Variants in RFX7 observed in about 807,000 individuals in gnomAD.
RFX7 encodes DNA-binding protein RFX7.
In RFX7, 26 loss-of-function variants were observed where a neutral mutation model predicts 111.8. The observed-to-expected ratio is 0.23, with a 90% CI of 0.17 to 0.32. The LOEUF (loss-of-function observed/expected upper bound fraction) is 0.32. Ranked by LOEUF, RFX7 falls within the 10% of genes least tolerant of loss-of-function variation. RFX7 has a pLI of 1.00. For synonymous variants in RFX7, 624 were observed against 624.4 expected (o/e 1.00, Z 0.01); for missense variants, 1,573 against 1,772.9 (o/e 0.89, Z 2.02).
At chr15:56,215,398 T>C (rs2043353708) in intron 2 of RFX7, among the ~76,000 whole-genome samples, 1 of 152,246 alleles carries the variant, frequency 6.6e-6, no homozygotes, top group Admixed American at 6.5e-5. Flanking sequence ...CTAAGTGTTT[T>C]ATCATAAAAC....
At chr15:56,177,761 C>A (rs1403865304) in intron 3 of RFX7, among the ~76,000 whole-genome samples, 10 of 152,066 alleles carry the variant, frequency 6.6e-5, no homozygotes, top group African/African-American at 2.4e-4. Context: ...CCACTGTACT[C>A]TCGTACCAAG....
intron 8 of RFX7, among the ~76,000 whole-genome samples, chr15:56,100,400 A>G (rs1454271032): frequency 6.6e-6 from 1 of 152,172 alleles, no homozygotes; most frequent in Non-Finnish European, 1.5e-5. Context: ...TCTTCAATTG[A>G]CCACAAAAGG....
intron 5 of RFX7, among the ~76,000 whole-genome samples, chr15:56,120,780 G>C (rs1223652722): frequency 3.3e-5 from 5 of 152,006 alleles, no homozygotes; most frequent in Non-Finnish European, 7.4e-5. Context: ...TTAGATTTGA[G>C]GTTACCATGA....
At chr15:56,162,607 T>C (rs2042733852) in intron 3 of RFX7, among the ~76,000 whole-genome samples, 1 of 151,480 alleles carries the variant, frequency 6.6e-6, no homozygotes, top group Non-Finnish European at 1.5e-5. Context: ...TGGGGCTCAG[T>C]GGCAATTTAG....
intron 2 of RFX7, among the ~76,000 whole-genome samples, chr15:56,239,984 CTTTTTT>C (rs5812831): frequency 1.0e-3 from 125 of 120,922 alleles, no homozygotes; most frequent in East Asian, 5.8e-3. Context: ...TTTGGTATTT[CTTTTTT>C]TTTTTTTTTT....
intron 2 of RFX7, among the ~76,000 whole-genome samples, chr15:56,240,226 G>C (rs1305429031): frequency 6.6e-6 from 1 of 151,876 alleles, no homozygotes; most frequent in African/African-American, 2.4e-5. Flanking sequence ...CCTTTCTAGT[G>C]AATAGTGTCA....
At chr15:56,195,292 G>C (rs894778540) in intron 2 of RFX7, among the ~76,000 whole-genome samples, 28 of 152,022 alleles carry the variant, frequency 1.8e-4, no homozygotes, top group African/African-American at 6.8e-4. Context: ...ATTCCTTTTG[G>C]ATGATGAAAA....
rs1179011252 is a variant in RFX7 at position 56,094,772 on chromosome 15, G to C, written c.2956C>G (p.Gln986Glu). 6.2e-7 allele frequency: 1 copy of C among 1,610,782 alleles called. No individual in the cohort carries two copies. The highest frequency in any genetic ancestry group is 1.3e-5 in the African/African-American group (1 of 74,812). Residue 986 changes from glutamine (Q) to glutamate (E), a missense_variant, in exon 10 of 10, where the codon CAG becomes GAG. By Grantham distance (29) the Gln-to-Glu change is conservative (BLOSUM62 2). Around this residue, in one of 7 missense-constraint regions of RFX7, gnomAD observed 625 missense variants for 632.2 expected, o/e 0.99. Transcript: ENST00000559447. ...AAAGCACTATCCACAGGTGTAGTCT[G>C]GGCTAGCCTGGAGCAAGGGCTCTCC... ...SRESPCSRLA[Q>E]TTPVDSALGS...
chr15:56,164,552 C>T (rs575862481), intron 3 of RFX7, among the ~76,000 whole-genome samples: 15 of 152,176 alleles, frequency 9.9e-5, no homozygotes, highest in Non-Finnish European at 1.8e-4. Context: ...AGATAGGATC[C>T]TGGTGAGAAC....
intron 3 of RFX7, among the ~76,000 whole-genome samples, chr15:56,161,161 T>A (rs1009101941): frequency 1.3e-5 from 2 of 152,112 alleles, no homozygotes; most frequent in Non-Finnish European, 2.9e-5. Context: ...GATGCAATGC[T>A]GACAAGCAAA....
chr15:56,126,839 C>CT (rs1350159154), intron 5 of RFX7, among the ~76,000 whole-genome samples: 1 of 151,984 alleles, frequency 6.6e-6, no homozygotes, highest in Non-Finnish European at 1.5e-5. Context: ...ACAATCGTAA[C>CT]TTTTTATGCA....
chr15:56,165,048 G>A (rs908945676), intron 3 of RFX7, among the ~76,000 whole-genome samples: 1 of 152,118 alleles, frequency 6.6e-6, no homozygotes, highest in East Asian at 1.9e-4. Flanking sequence ...AGACCATTAG[G>A]CATTAGTTAG....
At position 56,093,274 on chromosome 15, in the gene RFX7, G is replaced by A; in HGVS notation, c.*71C>T. 1 of 1,277,102 alleles carries A rather than the reference G, an allele frequency of 7.8e-7. No individual in the cohort carries two copies. Among genetic ancestry groups the A allele is most frequent in the Non-Finnish European group, 1.1e-6 (1 of 941,536 alleles). The allele number at this position is 1,277,102 out of a possible 1,614,324, so 79.1% of individuals were successfully genotyped here. On this transcript the variant is annotated 3_prime_UTR_variant, in exon 10 of 10. Coordinates refer to ENST00000559447, the MANE Select transcript of RFX7 (RefSeq NM_022841.7). ...AATTAATAGTATTTCTGCTGCGGGA[G>A]GCACTTCCATTAAGACAAATACAAT...
intron 2 of RFX7, among the ~76,000 whole-genome samples, chr15:56,213,221 AC>A: frequency 6.6e-6 from 1 of 152,232 alleles, no homozygotes; most frequent in Non-Finnish European, 1.5e-5. Flanking sequence ...GATTATGTTC[AC>A]ATAAAAACCT....
At chr15:56,232,852 G>A (rs553737874) in intron 2 of RFX7, among the ~76,000 whole-genome samples, 307 of 152,236 alleles carry the variant, frequency 2.0e-3, no homozygotes, top group South Asian at 3.7e-3. Context: ...CTCCATCAGA[G>A]ACCACCTGAG....
At chr15:56,135,427 C>T (rs1431213509) in intron 5 of RFX7, among the ~76,000 whole-genome samples, 20 of 152,084 alleles carry the variant, frequency 1.3e-4, no homozygotes, top group African/African-American at 4.8e-4. Context: ...TGAGAAGTGT[C>T]TGTTCATGTC....
At chr15:56,108,776 A>G (rs758004847) in intron 5 of RFX7, among the ~76,000 whole-genome samples, 1 of 152,216 alleles carries the variant, frequency 6.6e-6, no homozygotes. Context: ...TGTAGACAAC[A>G]TGATCCTATA....
intron 2 of RFX7, among the ~76,000 whole-genome samples, chr15:56,241,416 C>T (rs757065503): frequency 3.0e-4 from 46 of 152,182 alleles, no homozygotes; most frequent in Non-Finnish European, 6.5e-4. Context: ...CCCTCTTGTT[C>T]TCATAATCAA....
At chr15:56,237,535 A>G (rs1472327987) in intron 2 of RFX7, among the ~76,000 whole-genome samples, 1 of 152,212 alleles carries the variant, frequency 6.6e-6, no homozygotes, top group East Asian at 1.9e-4. Flanking sequence ...TCTTAATCCA[A>G]TGCATCTTTC....
Sources: allele counts gnomAD v4.1 joint callset (sites outside exome capture counted in the v4.1 genomes callset), GRCh38; gene constraint gnomAD v4.1.1; regional missense constraint gnomAD v4.1.1; transcripts MANE v1.5; gene names NCBI Gene and HGNC (gene_info 2026-07-23, HGNC 2026-07-21).